LGALS13: variants seen among roughly 807,000 people sequenced by gnomAD.
LGALS13 encodes the protein galactoside-binding soluble lectin 13.
LGALS13 carries 11 observed loss-of-function variants against 13.2 expected under a neutral mutation model. The observed-to-expected ratio is 0.83, with a 90% CI of 0.52 to 1.38. The LOEUF (loss-of-function observed/expected upper bound fraction) is 1.38, where lower values mean the gene tolerates loss of function less well. Among genes scored for constraint, LGALS13 ranks in the 40% most tolerant of loss-of-function variants. LGALS13 has a pLI of 0.00. For synonymous variants in LGALS13, 71 were observed against 63.7 expected, an observed-to-expected ratio of 1.11 and a Z score of -0.54; for missense variants, 183 against 174.3, an observed-to-expected ratio of 1.05 and a Z score of -0.28.
Position 39,605,280 on chromosome 19 carries a change from CA to C in LGALS13, c.196del (p.Arg66GlyfsTer37). On this transcript the variant is annotated frameshift_variant, in exon 3 of 4. Transcript: ENST00000221797. LOFTEE classifies it high-confidence loss of function. ...VHFGNHVVMNRREFGIWMLEE... is the reference protein window; with the variant it reads ...VHFGNHVVMNXREFGIWMLEE... ...ACTTTGGCAATCATGTGGTCATGAACAGGCGTGAGTTTGGGATATGGATGTT... is the reference window on the plus strand; with the variant it reads ...ACTTTGGCAATCATGTGGTCATGAACGGCGTGAGTTTGGGATATGGATGTT... 6.2e-7 allele frequency: 1 copy of C among 1,614,158 alleles called. No individual in the cohort carries two copies. The highest frequency in any genetic ancestry group is 8.5e-7 in the Non-Finnish European group (1 of 1,180,010).
intron 2 of LGALS13, chr19:39,604,943 C>A: frequency 4.6e-6 from 3 of 650,576 alleles, no homozygotes; most frequent in Admixed American, 2.4e-5. Flanking sequence ...CGGGAATGAA[C>A]AAGTCATAGG....
chr19:39,603,364 A>G (rs528783959), intron 1 of LGALS13, among the ~76,000 whole-genome samples: 1 of 152,046 alleles, frequency 6.6e-6, no homozygotes, highest in East Asian at 2.0e-4. Context: ...TAGCCCATCC[A>G]GTTCTTCCCA....
Position 39,602,536 on chromosome 19 carries a change from T to A in LGALS13, c.-33T>A, listed in dbSNP as rs759362283. 2.5e-6 allele frequency: 4 copies of A among 1,611,848 alleles called. No individual in the cohort carries two copies. Among genetic ancestry groups the A allele is most frequent in the Non-Finnish European group, 3.4e-6 (4 of 1,177,886 alleles). ...CAGAGATTCACTCAGAAGACTGGAC[T>A]CAATTCTGAAGGTCGCCAAGAAGGA... On this transcript the variant is annotated 5_prime_UTR_variant, in exon 1 of 4. Transcript: ENST00000221797.
chr19:39,607,276 A>G lies in LGALS13; in HGVS notation c.357A>G (p.Ser119=). 6.2e-7 allele frequency: 1 copy of G among 1,614,120 alleles called. No individual in the cohort carries two copies. Among genetic ancestry groups the G allele is most frequent in the Non-Finnish European group, 8.5e-7 (1 of 1,179,998 alleles). ...GCTTTGTCCATCGAATCCCGCCATC[A>G]TTTGTGAAGATGGTGCAAGTGTCGA... ...IYGFVHRIPP[S]FVKMVQVSRD... is the part of the protein sequence containing the mutation. The change falls in exon 4 of 4, where the codon TCA becomes TCG. Residue 119 remains serine, a synonymous_variant. Transcript: ENST00000221797.
chr19:39,604,601 G>C lies in LGALS13; in HGVS notation c.16-1G>C. On this transcript the variant is annotated splice_acceptor_variant, in intron 1 of 3. Coordinates refer to ENST00000221797, the MANE Select transcript of LGALS13 (RefSeq NM_013268.3). LOFTEE classifies it high-confidence loss of function. The stretch of plus-strand genomic sequence containing the variant: ...CTCACTTACTCTCAATACTCTGGCA[G>C]GTGCCATACAAACTGCCTGTGTCTT... 6.2e-7 allele frequency: 1 copy of C among 1,614,156 alleles called. No homozygotes were observed. The highest frequency in any genetic ancestry group is 1.7e-4 in the Middle Eastern group (1 of 6,060).
At chr19:39,607,172 A>G (rs1568473439) in intron 3 of LGALS13, 51 bp from the exon 4 acceptor site, 1 of 1,415,158 alleles carries the variant, frequency 7.1e-7, no homozygotes, top group East Asian at 2.3e-5. Context: ...GAGGAGGCCG[A>G]AAACTTGTTT....
At chr19:39,602,926 A>G (rs1311776131) in intron 1 of LGALS13, among the ~76,000 whole-genome samples, 2 of 152,086 alleles carry the variant, frequency 1.3e-5, no homozygotes, top group Non-Finnish European at 2.9e-5. Context: ...TTTCCTGTCT[A>G]TGATGTGAGT....
chr19:39,604,646 G>C lies in LGALS13; in HGVS notation c.60G>C (p.Val20=), dbSNP rs762995690. ...TGTCTTTGTCTGTTGGTTCCTGCGTGATAATCAAAGGGACACCAATCCACT... is the reference window on the plus strand; with the variant it reads ...TGTCTTTGTCTGTTGGTTCCTGCGTCATAATCAAAGGGACACCAATCCACT... ...LPVSLSVGSC[V]IIKGTPIHSF... The change falls in exon 2 of 4, where the codon GTG becomes GTC. Residue 20 remains valine, a synonymous_variant. Coordinates refer to ENST00000221797, the MANE Select transcript of LGALS13 (RefSeq NM_013268.3). 4 of 1,614,214 alleles carry C rather than the reference G, an allele frequency of 2.5e-6. No homozygotes were observed. In the South Asian group the frequency reaches 3.3e-5, roughly 13 times the overall value.
rs1179412208 is a variant in LGALS13, at chr19:39,602,526, A to G, written c.-43A>G. The G allele has an allele frequency of 1.2e-6, 2 of 1,608,598 alleles. No individual in the cohort carries two copies. The highest frequency in any genetic ancestry group is 1.7e-6 in the Non-Finnish European group (2 of 1,174,866). ...TGCTGCAACTCAGAGATTCACTCAG[A>G]AGACTGGACTCAATTCTGAAGGTCG... On this transcript the variant is annotated 5_prime_UTR_variant, in exon 1 of 4. Transcript: ENST00000221797.
intron 1 of LGALS13, chr19:39,604,132 C>T: frequency 2.6e-6 from 1 of 379,020 alleles, no homozygotes; most frequent in South Asian, 1.1e-4. Context: ...ATTTACAAGT[C>T]TTGTTTTAAT....
intron 2 of LGALS13, 124 bp downstream of exon 2, chr19:39,604,802 A>G: frequency 2.6e-6 from 3 of 1,171,136 alleles, no homozygotes; most frequent in South Asian, 1.2e-5. Context: ...ATGCAGGTGC[A>G]GGTCTTGGAG....
At chr19:39,602,804 G>T (rs1265021255) in intron 1 of LGALS13, among the ~76,000 whole-genome samples, 3 of 152,218 alleles carry the variant, frequency 2.0e-5, no homozygotes, top group Non-Finnish European at 4.4e-5. Flanking sequence ...GTGTGAGGTG[G>T]TGTCTGATGA....
chr19:39,605,319 A>G lies in LGALS13; in HGVS notation c.234A>G (p.Thr78=). ...GGATATGGATGTTGGAGGAGACAACAGACTACGTGCCCTTTGAGGATGGCA... is the reference window on the plus strand; with the variant it reads ...GGATATGGATGTTGGAGGAGACAACGGACTACGTGCCCTTTGAGGATGGCA... ...EFGIWMLEET[T]DYVPFEDGKQ... is the part of the protein sequence containing the mutation. The change falls in exon 3 of 4, where the codon ACA becomes ACG. Residue 78 remains threonine, a synonymous_variant. Transcript: ENST00000221797. The G allele has an allele frequency of 6.2e-7, 1 of 1,614,176 alleles. No individual in the cohort carries two copies. The highest frequency in any genetic ancestry group is 8.5e-7 in the Non-Finnish European group (1 of 1,180,042).
At chr19:39,604,047 T>C (rs533039388) in intron 1 of LGALS13, 1 of 884,470 alleles carries the variant, frequency 1.1e-6, no homozygotes, top group East Asian at 1.2e-4. Flanking sequence ...CACAGGGGTT[T>C]CCTGTTCTTT....
Position 39,607,262 on chromosome 19 carries a change from C to T in LGALS13, c.343C>T (p.Arg115Ter), listed in dbSNP as rs144296975. 2.0e-5 allele frequency: 32 copies of T among 1,614,008 alleles called. No individual in the cohort carries two copies. In the African/African-American group the frequency reaches 3.5e-4, roughly 17 times the overall value. ...CATACGCATTTACGGCTTTGTCCATCGAATCCCGCCATCATTTGTGAAGAT... is the reference window on the plus strand; with the variant it reads ...CATACGCATTTACGGCTTTGTCCATTGAATCCCGCCATCATTTGTGAAGAT... Reference protein sequence around the residue: ...NGIRIYGFVHRIPPSFVKMVQ... With the variant: ...NGIRIYGFVH The change falls in exon 4 of 4, where the codon CGA becomes TGA. Residue 115 changes from arginine (R) to a stop codon, truncating the protein, a stop_gained. Coordinates refer to ENST00000221797, the MANE Select transcript of LGALS13 (RefSeq NM_013268.3). LOFTEE classifies it low-confidence loss of function (END_TRUNC).
rs781215920 is a variant in LGALS13 at position 39,605,135 on chromosome 19, C to T, written c.93-43C>T. 21 of 1,520,398 alleles carry T rather than the reference C, an allele frequency of 1.4e-5. No individual in the cohort carries two copies. In the East Asian group the frequency reaches 2.9e-4, roughly 21 times the overall value. The allele number at this position is 1,520,398 out of a possible 1,614,324, so 94.2% of individuals were successfully genotyped here. A position where few individuals can be genotyped will look rare whatever the true frequency, so the allele number is the denominator to read the frequency against. ...TGTGTGTGTCGAGTGTGTGTCTGCG[C>T]AAGGGAGGGACCTGCCCAACATTCT... On this transcript the variant is annotated intron_variant, in intron 2 of 3. Coordinates refer to ENST00000221797, the MANE Select transcript of LGALS13 (RefSeq NM_013268.3).
chr19:39,607,430 C>T lies in LGALS13; in HGVS notation c.*91C>T. The T allele has an allele frequency of 1.2e-6, 1 of 858,908 alleles. No individual in the cohort carries two copies. 53.2% of individuals were successfully genotyped at this position (858,908 alleles called of 1,614,324 possible). On this transcript the variant is annotated 3_prime_UTR_variant, in exon 4 of 4. Coordinates refer to ENST00000221797, the MANE Select transcript of LGALS13 (RefSeq NM_013268.3). ...ACCTGCTAACAGAATAATCCCTGCT[C>T]ACATTTTCCCCTACACTTTGTCATT... is the stretch of plus-strand genomic sequence containing the variant.
chr19:39,605,200 G>A lies in LGALS13; in HGVS notation c.115G>A (p.Asp39Asn). The change falls in exon 3 of 4, where the codon GAT (aspartate) becomes AAT (asparagine). Residue 39 changes from aspartate to asparagine, a missense_variant. Physicochemically the swap from Asp to Asn is conservative, Grantham distance 23. Coordinates refer to ENST00000221797, the MANE Select transcript of LGALS13 (RefSeq NM_013268.3). Reference protein sequence around the residue: ...SFINDPQLQVDFYTDMDEDSD... With the variant: ...SFINDPQLQVNFYTDMDEDSD... Reference sequence around the variant, plus strand: ...CAGCAATGACCCACAGCTGCAGGTGGATTTCTACACTGACATGGATGAGGA... The same window carrying A: ...CAGCAATGACCCACAGCTGCAGGTGAATTTCTACACTGACATGGATGAGGA... 1 of 1,614,230 alleles carries A rather than the reference G, an allele frequency of 6.2e-7. No homozygotes were observed. The highest frequency in any genetic ancestry group is 2.2e-5 in the East Asian group (1 of 44,888).
At position 39,605,983 on chromosome 19, in the gene LGALS13, A is replaced by G. The variant is rs189883009; in HGVS notation, c.303+595A>G. ...CGCCTCAGCCTCCCAAGTAGCTGGGACTACAGGTGTGTGCCAGCACACCTG... is the reference window on the plus strand; with the variant it reads ...CGCCTCAGCCTCCCAAGTAGCTGGGGCTACAGGTGTGTGCCAGCACACCTG... On this transcript the variant is annotated intron_variant, in intron 3 of 3. Transcript: ENST00000221797. Among the ~76,000 whole-genome samples the G allele has an allele frequency of 1.7e-3, 262 of 152,252 alleles. 2 individuals carry two copies. The highest frequency in any genetic ancestry group is 2.9e-3 in the Non-Finnish European group (198 of 68,010).
Sources: gnomAD v4.1 joint callset for allele counts (sites outside exome capture counted in the v4.1 genomes callset) on GRCh38, gnomAD v4.1.1 for gene constraint, MANE v1.5 for transcripts, NCBI Gene and HGNC (gene_info 2026-07-23, HGNC 2026-07-21) for gene names.